Variants in LNP1 observed in about 807,000 individuals in gnomAD.
The protein encoded by LNP1 is leukemia NUP98 fusion partner 1.
In LNP1, 12 loss-of-function variants were observed where a neutral mutation model predicts 14.5. The observed-to-expected ratio is 0.83, with a 90% CI of 0.53 to 1.34. LNP1 has a LOEUF of 1.34. Among genes scored for constraint, LNP1 ranks in the 40% most tolerant of loss-of-function variants. LNP1 has a pLI of 0.00. For missense variants in LNP1, 198 were observed against 210.9 expected (o/e 0.94, Z 0.38); for synonymous variants, 75 against 71.4 (o/e 1.05, Z -0.26).
intron 2 of LNP1, among the ~76,000 whole-genome samples, chr3:100,439,845 A>T (rs1335749306): frequency 6.6e-6 from 1 of 152,178 alleles, no homozygotes; most frequent in Non-Finnish European, 1.5e-5. Flanking sequence ...GATTTACCTT[A>T]GGTGTCTCAG....
intron 2 of LNP1, among the ~76,000 whole-genome samples, chr3:100,430,370 G>C (rs1707231214): frequency 6.6e-6 from 1 of 152,140 alleles, no homozygotes; most frequent in Non-Finnish European, 1.5e-5. Context: ...AGTCCATTTG[G>C]TTTCTAGATG....
chr3:100,446,053 C>A (rs865985120), intron 2 of LNP1, among the ~76,000 whole-genome samples: 3 of 152,096 alleles, frequency 2.0e-5, no homozygotes, highest in African/African-American at 4.8e-5. Flanking sequence ...CAATGCCATC[C>A]CCATCAGGCT....
chr3:100,444,329 A>G (rs563547787), intron 2 of LNP1, among the ~76,000 whole-genome samples: 3 of 152,390 alleles, frequency 2.0e-5, no homozygotes, highest in South Asian at 4.1e-4. Flanking sequence ...CCTAACAATT[A>G]TAATTATTAC....
chr3:100,432,477 G>A (rs546401752), intron 2 of LNP1, among the ~76,000 whole-genome samples: 1 of 152,252 alleles, frequency 6.6e-6, no homozygotes, highest in Non-Finnish European at 1.5e-5. Context: ...GGGACTGTCA[G>A]TCTAGTAGAA....
At chr3:100,449,445 C>T (rs1266002398) in intron 2 of LNP1, among the ~76,000 whole-genome samples, 1 of 152,130 alleles carries the variant, frequency 6.6e-6, no homozygotes, top group East Asian at 1.9e-4. Context: ...GTTTCTCCCC[C>T]AAAGGGAGTC....
intron 2 of LNP1, among the ~76,000 whole-genome samples, chr3:100,445,906 C>T (rs9820973): frequency 0.33 from 49,454 of 151,944 alleles, 8,432 homozygotes; most frequent in Middle Eastern, 0.43. Flanking sequence ...TGTGAAGGAC[C>T]TCTTCAAGGA....
intron 2 of LNP1, among the ~76,000 whole-genome samples, chr3:100,438,055 G>A (rs1432284797): frequency 1.3e-5 from 2 of 152,156 alleles, no homozygotes; most frequent in Non-Finnish European, 2.9e-5. Flanking sequence ...GCCCCAGAGT[G>A]CCAGGTACAT....
intron 2 of LNP1, among the ~76,000 whole-genome samples, chr3:100,448,819 G>A (rs1449246917): frequency 6.6e-6 from 1 of 152,040 alleles, no homozygotes; most frequent in Non-Finnish European, 1.5e-5. Flanking sequence ...ATACATAGAG[G>A]TATTACAGAT....
intron 1 of LNP1, among the ~76,000 whole-genome samples, chr3:100,429,463 GAAAGC>G: frequency 6.6e-6 from 1 of 152,348 alleles, no homozygotes; most frequent in Non-Finnish European, 1.5e-5. Context: ...GGAAGGATTA[GAAAGC>G]CTCTCAATTT....
At chr3:100,447,443 C>T (rs1027781272) in intron 2 of LNP1, among the ~76,000 whole-genome samples, 6 of 151,900 alleles carry the variant, frequency 3.9e-5, no homozygotes, top group African/African-American at 1.4e-4. Context: ...ATACTGGGGC[C>T]TGTTGGAGGG....
intron 2 of LNP1, among the ~76,000 whole-genome samples, chr3:100,446,860 T>A (rs968392923): frequency 2.6e-5 from 4 of 152,176 alleles, no homozygotes; most frequent in Non-Finnish European, 5.9e-5. Context: ...ATGCTCATCA[T>A]CACTGGTCAT....
At chr3:100,431,802 G>A (rs1184786052) in intron 2 of LNP1, among the ~76,000 whole-genome samples, 1 of 146,990 alleles carries the variant, frequency 6.8e-6, no homozygotes, top group African/African-American at 2.5e-5. Context: ...AGACCAGCCT[G>A]GGCAACATAG....
chr3:100,417,571 G>T (rs2076509587), intron 1 of LNP1, among the ~76,000 whole-genome samples: 1 of 151,214 alleles, frequency 6.6e-6, no homozygotes, highest in South Asian at 2.1e-4. Flanking sequence ...TAGAGATGAG[G>T]TTTCACCATG....
intron 1 of LNP1, among the ~76,000 whole-genome samples, chr3:100,418,582 G>A (rs1396138231): frequency 1.3e-5 from 2 of 152,174 alleles, no homozygotes; most frequent in Non-Finnish European, 2.9e-5. Context: ...GTGCAGGAAA[G>A]TTTTTGAAAT....
At chr3:100,417,534 C>G (rs1333370535) in intron 1 of LNP1, among the ~76,000 whole-genome samples, 1 of 151,688 alleles carries the variant, frequency 6.6e-6, no homozygotes, top group Non-Finnish European at 1.5e-5. Context: ...CGCCACCATG[C>G]CCTGCTAATT....
intron 1 of LNP1, among the ~76,000 whole-genome samples, chr3:100,403,327 C>T (rs1455754935): frequency 3.3e-5 from 5 of 152,134 alleles, no homozygotes; most frequent in Non-Finnish European, 7.3e-5. Context: ...AATTAAAGTT[C>T]TGTATATGTG....
At chr3:100,429,932 G>A in intron 2 of LNP1, 47 bp downstream of exon 2, 1 of 1,567,174 alleles carries the variant, frequency 6.4e-7, no homozygotes, top group Non-Finnish European at 8.6e-7. Flanking sequence ...AATAGGGGAG[G>A]GGGTTTCTCT....
At chr3:100,408,161 T>C (rs1706989256) in intron 1 of LNP1, among the ~76,000 whole-genome samples, 2 of 152,234 alleles carry the variant, frequency 1.3e-5, no homozygotes, top group South Asian at 4.1e-4. Context: ...CTTGTGGTCA[T>C]GTGTCAGTGT....
intron 1 of LNP1, among the ~76,000 whole-genome samples, chr3:100,419,124 T>C (rs1707118953): frequency 6.6e-6 from 1 of 152,192 alleles, no homozygotes; most frequent in African/African-American, 2.4e-5. Flanking sequence ...GTCGTAGAGC[T>C]GTCCATAGGT....
Sources: allele counts gnomAD v4.1 joint callset (sites outside exome capture counted in the v4.1 genomes callset), GRCh38; gene constraint gnomAD v4.1.1; transcripts MANE v1.5; gene names NCBI Gene and HGNC (gene_info 2026-07-23, HGNC 2026-07-21).